The following LRP2 variants were observed in gnomAD, a reference collection of about 807,000 sequenced individuals.
LRP2 encodes LDL receptor related protein 2.
A neutral mutation model predicts 531.0 loss-of-function variants in LRP2; 172 were observed. The observed-to-expected ratio is 0.32, with a 90% CI of 0.29 to 0.37. The LOEUF (loss-of-function observed/expected upper bound fraction) is 0.37. Among genes scored for constraint, LRP2 ranks in the 10% least tolerant of loss-of-function variants. The pLI is 1.00. For missense variants in LRP2, 5,167 were observed against 5,868.3 expected (o/e 0.88, Z 3.90); for synonymous variants, 1,992 against 2,027.6 (o/e 0.98, Z 0.47).
Position 169,275,096 on chromosome 2 carries a change from A to C in LRP2, c.1915T>G (p.Tyr639Asp). 1 of 1,613,796 alleles carries C rather than the reference A, an allele frequency of 6.2e-7. No homozygotes were observed. Among genetic ancestry groups the C allele is most frequent in the Non-Finnish European group, 8.5e-7 (1 of 1,179,846 alleles). The change falls in exon 14 of 79, where the codon TAC (tyrosine) becomes GAC (aspartate). Residue 639 changes from tyrosine to aspartate, a missense_variant. Physicochemically the swap from Tyr to Asp is radical, Grantham distance 160. Coordinates refer to ENST00000649046, the MANE Select transcript of LRP2 (RefSeq NM_004525.3). ...KFTETNPQVYYQASLRPYGVT... is the reference protein window; with the variant it reads ...KFTETNPQVYDQASLRPYGVT... ...CCATAGGGCCTCAGGGAAGCCTGGTAGTACACTTGTGGGTTGGTCTCTGTG... is the reference window on the plus strand; with the variant it reads ...CCATAGGGCCTCAGGGAAGCCTGGTCGTACACTTGTGGGTTGGTCTCTGTG...
At chr2:169,215,695 T>A (rs1323071032) in intron 35 of LRP2, among the ~76,000 whole-genome samples, 1 of 148,180 alleles carries the variant, frequency 6.7e-6, no homozygotes, top group Non-Finnish European at 1.5e-5. Context: ...AGATATATAT[T>A]CTGTATTCTA....
rs1319573938 is a variant in LRP2 at position 169,188,044 on chromosome 2, C to G, written c.9254G>C (p.Gly3085Ala). The G allele has an allele frequency of 6.2e-7, 1 of 1,614,046 alleles. No homozygotes were observed. The highest frequency in any genetic ancestry group is 1.1e-5 in the South Asian group (1 of 91,070). ...CPPHEFKCDN[G>A]RCIEMMKLCN... ...GAGTTTCATCATCTCGATGCAGCGC[C>G]CATTGTCACACTTGAACTCGTGAGG... Residue 3085 changes from glycine to alanine, a missense_variant, in exon 49 of 79, where the codon GGG (glycine) becomes GCG (alanine). Physicochemically the swap from Gly to Ala is moderately conservative, Grantham distance 60. Coordinates refer to ENST00000649046, the MANE Select transcript of LRP2 (RefSeq NM_004525.3).
chr2:169,340,828 C>A (rs1318063511), intron 1 of LRP2, among the ~76,000 whole-genome samples: 1 of 152,116 alleles, frequency 6.6e-6, no homozygotes, highest in Non-Finnish European at 1.5e-5. Context: ...ATTACCTCCC[C>A]ACCATGATGG....
At chr2:169,205,688 C>G (rs757737313) in intron 40 of LRP2, 51 bp from the exon 41 acceptor site, 3 of 1,489,810 alleles carry the variant, frequency 2.0e-6, no homozygotes, top group Non-Finnish European at 2.8e-6. Flanking sequence ...CCTCATAGTC[C>G]TTTAAAAAAA....
chr2:169,251,214 T>C (rs1213030887), intron 19 of LRP2, among the ~76,000 whole-genome samples: 1 of 25,848 alleles, frequency 3.9e-5, no homozygotes, highest in East Asian at 1.1e-3. Flanking sequence ...ACCACACCTG[T>C]TCCAAAATTG....
rs748795152 is a variant in LRP2 at position 169,146,027 on chromosome 2, T to C, written c.12812-104A>G. On this transcript the variant is annotated intron_variant, in intron 69 of 78. Coordinates refer to ENST00000649046, the MANE Select transcript of LRP2 (RefSeq NM_004525.3). ...ATCTGATGTCATTCTGCTTGAATTA[T>C]TCCCTCATACAATGCCTTGAAGCTC... The C allele has an allele frequency of 2.3e-4, 244 of 1,044,656 alleles. 1 individual carries two copies. The highest frequency in any genetic ancestry group is 3.5e-4 in the Non-Finnish European group (238 of 687,036). The allele number at this position is 1,044,656 out of a possible 1,614,324, so 64.7% of individuals were successfully genotyped here.
chr2:169,224,289 G>A (rs371664902), intron 33 of LRP2, among the ~76,000 whole-genome samples: 1 of 152,142 alleles, frequency 6.6e-6, no homozygotes, highest in African/African-American at 2.4e-5. Context: ...CTTGTTTTGG[G>A]AAGTTTCACT....
At chr2:169,273,140 A>C in intron 14 of LRP2, 73 bp from the exon 15 acceptor site, 1 of 1,547,768 alleles carries the variant, frequency 6.5e-7, no homozygotes, top group East Asian at 2.2e-5. Context: ...AGCCACTTCT[A>C]GCCCTTTTCA....
chr2:169,293,194 C>A (rs141728033), intron 6 of LRP2, among the ~76,000 whole-genome samples: 41 of 152,318 alleles, frequency 2.7e-4, no homozygotes, highest in Non-Finnish European at 4.3e-4. Context: ...TAAATCACCA[C>A]GCAAAGCTGC....
At chr2:169,200,337 A>C (rs542922884) in intron 44 of LRP2, among the ~76,000 whole-genome samples, 1 of 152,366 alleles carries the variant, frequency 6.6e-6, no homozygotes, top group South Asian at 2.1e-4. Context: ...AAAGCTAAGT[A>C]GGAATGAGCA....
At position 169,169,685 on chromosome 2, in the gene LRP2, T is replaced by A. The variant is rs1686921395; in HGVS notation, c.11497+17A>T. The A allele has an allele frequency of 6.3e-7, 1 of 1,594,006 alleles. No individual in the cohort carries two copies. The highest frequency in any genetic ancestry group is 8.6e-7 in the Non-Finnish European group (1 of 1,161,794). On this transcript the variant is annotated intron_variant, in intron 60 of 78. Transcript: ENST00000649046. Reference sequence around the variant, plus strand: ...GCTCTCAGGTAAGCAGTACTACATATGTGTCTAGGGACTTACGACAATCAG... The same window carrying A: ...GCTCTCAGGTAAGCAGTACTACATAAGTGTCTAGGGACTTACGACAATCAG...
intron 10 of LRP2, among the ~76,000 whole-genome samples, chr2:169,282,578 G>A (rs1422188410): frequency 1.3e-5 from 2 of 152,206 alleles, no homozygotes; most frequent in Non-Finnish European, 2.9e-5. Context: ...TGTAGGCATA[G>A]CATTTATTCC....
intron 34 of LRP2, 127 bp from the exon 35 acceptor site, chr2:169,216,557 A>G (rs1457203391): frequency 2.3e-6 from 2 of 882,468 alleles, no homozygotes; most frequent in Non-Finnish European, 3.7e-6. Flanking sequence ...CTGAAAATCA[A>G]TATCTCGTTG....
At chr2:169,154,751 T>C in intron 65 of LRP2, 148 bp from the exon 66 acceptor site, 1 of 734,822 alleles carries the variant, frequency 1.4e-6, no homozygotes, top group Non-Finnish European at 2.3e-6. Flanking sequence ...TCAATAAAGC[T>C]GACTCTCCAA....
intron 52 of LRP2, among the ~76,000 whole-genome samples, chr2:169,178,595 C>T (rs1325584894): frequency 2.0e-5 from 3 of 152,266 alleles, no homozygotes; most frequent in African/African-American, 7.2e-5. Context: ...TATTATTAAT[C>T]GTGCCATGGC....
intron 63 of LRP2, among the ~76,000 whole-genome samples, chr2:169,160,684 A>AAAAAAAAAAAAAAAAAAAAAAAAAAAAC (rs1459931713): frequency 1.0e-5 from 1 of 98,230 alleles, no homozygotes. Context: ...TATTTCCTTA[A>AAAAAAAAAAAAAAAAAAAAAAAAAAAAC]AAAAAAAAAA....
At chr2:169,287,178 C>T (rs779579509) in intron 9 of LRP2, among the ~76,000 whole-genome samples, 1 of 152,072 alleles carries the variant, frequency 6.6e-6, no homozygotes, top group African/African-American at 2.4e-5. Context: ...GAATGCATTC[C>T]CAATATAATG....
intron 76 of LRP2, among the ~76,000 whole-genome samples, chr2:169,133,078 C>T (rs1416123626): frequency 6.6e-6 from 1 of 152,220 alleles, no homozygotes; most frequent in Non-Finnish European, 1.5e-5. Flanking sequence ...TCCCCAACCT[C>T]ACTGATGAAC....
Position 169,237,978 on chromosome 2 carries a change from G to T in LRP2, c.4506+113C>A, listed in dbSNP as rs369092871. 1.4e-5 allele frequency: 12 copies of T among 856,208 alleles called. No homozygotes were observed. The East Asian group carries it at 1.8e-4, about 13-fold the overall frequency. 53.0% of individuals were successfully genotyped at this position (856,208 alleles called of 1,614,324 possible). A position where few individuals can be genotyped will look rare whatever the true frequency, so the allele number is the denominator to read the frequency against. On this transcript the variant is annotated intron_variant, in intron 27 of 78. Coordinates refer to ENST00000649046, the MANE Select transcript of LRP2 (RefSeq NM_004525.3). The stretch of plus-strand genomic sequence containing the variant: ...TCTTGGGTATGATGTGGCCCAGAAG[G>T]TACCATGAGAGCTACCCAGATGAGG...
Sources: gnomAD v4.1 joint callset for allele counts (sites outside exome capture counted in the v4.1 genomes callset) on GRCh38, gnomAD v4.1.1 for gene constraint, MANE v1.5 for transcripts, NCBI Gene and HGNC (gene_info 2026-07-23, HGNC 2026-07-21) for gene names.